Variants in EDARADD observed in about 807,000 individuals in gnomAD.
The protein encoded by EDARADD is EDAR associated via death domain, also known as ectodysplasin-A receptor-associated adapter protein.
Under a neutral mutation model 25.6 loss-of-function variants are expected in EDARADD, and 20 were observed. The observed-to-expected ratio is 0.78, with a 90% CI of 0.55 to 1.14. The LOEUF (loss-of-function observed/expected upper bound fraction) is 1.14. Among genes scored for constraint, EDARADD ranks in the 50% most tolerant of loss-of-function variants. EDARADD has a pLI of 0.00. For missense variants in EDARADD, 225 were observed against 270.1 expected, an observed-to-expected ratio of 0.83 and a Z score of 1.17; for synonymous variants, 86 against 94.4, an observed-to-expected ratio of 0.91 and a Z score of 0.52.
chr1:236,483,500 G>T lies in EDARADD; in HGVS notation c.*851G>T. ...CTAAATTTGGTGCAAATGCCATTCT[G>T]GGAGTGTCCCTCGCTGCCTGCAAAG... On this transcript the variant is annotated 3_prime_UTR_variant, in exon 6 of 6. Coordinates refer to ENST00000334232, the MANE Select transcript of EDARADD (RefSeq NM_145861.4). The T allele has an allele frequency of 9.9e-7, 1 of 1,008,340 alleles. No individual in the cohort carries two copies. The highest frequency in any genetic ancestry group is 1.6e-6 in the Non-Finnish European group (1 of 630,482). 62.5% of individuals were successfully genotyped at this position (1,008,340 alleles called of 1,614,324 possible).
chr1:236,405,967 G>A (rs965495874), intron 1 of EDARADD, among the ~76,000 whole-genome samples: 4 of 142,626 alleles, frequency 2.8e-5, no homozygotes, highest in Admixed American at 7.5e-5. Flanking sequence ...TTTCCTGTAG[G>A]AAGCAGGATT....
intron 3 of EDARADD, among the ~76,000 whole-genome samples, chr1:236,420,578 C>T (rs987574904): frequency 1.6e-4 from 25 of 152,200 alleles, no homozygotes; most frequent in Admixed American, 5.9e-4. Flanking sequence ...CTTTGCTTTT[C>T]ACTGGCAACC....
chr1:236,359,767 G>A (rs1368048624), intron 3 of EDARADD, among the ~76,000 whole-genome samples: 1 of 152,288 alleles, frequency 6.6e-6, no homozygotes, highest in East Asian at 1.9e-4. Flanking sequence ...AGAACAGCAT[G>A]GGAAAGACTT....
At chr1:236,468,193 G>A (rs150720000) in intron 4 of EDARADD, 38 bp from the exon 5 acceptor site, 23 of 1,592,510 alleles carry the variant, frequency 1.4e-5, no homozygotes, top group Non-Finnish European at 1.9e-5. Flanking sequence ...ATTCACATTT[G>A]GATATGATTT....
At chr1:236,359,424 G>A (rs1667021066) in intron 3 of EDARADD, among the ~76,000 whole-genome samples, 1 of 152,178 alleles carries the variant, frequency 6.6e-6, no homozygotes, top group East Asian at 1.9e-4. Flanking sequence ...GCCATGTGAG[G>A]ACATAGTGTT....
intron 5 of EDARADD, among the ~76,000 whole-genome samples, chr1:236,477,407 C>T (rs539883350): frequency 5.3e-5 from 8 of 152,144 alleles, no homozygotes; most frequent in Admixed American, 2.6e-4. Flanking sequence ...CCCAGCTACT[C>T]GGGAGGCTCA....
In EDARADD at chr1:236,395,686, C is replaced by T. The variant is rs762554652; in HGVS notation, c.61+1181C>T. ...GTAAAGGGACACAGCGCCGCGCCCG[C>T]TCCTGGAGCGAGCACCGCGGGGCGG... On this transcript the variant is annotated intron_variant, in intron 1 of 5. Coordinates refer to ENST00000334232, the MANE Select transcript of EDARADD (RefSeq NM_145861.4). This position sits in a 1 kb window ranked among gnomAD's most constrained non-coding sequence, Gnocchi z 6.9. 1 of 1,553,886 alleles carries T rather than the reference C, an allele frequency of 6.4e-7. No homozygotes were observed. The highest frequency in any genetic ancestry group is 8.7e-7 in the Non-Finnish European group (1 of 1,154,132).
intron 4 of EDARADD, among the ~76,000 whole-genome samples, chr1:236,451,425 CT>C (rs541733824): frequency 6.8e-4 from 102 of 150,174 alleles, no homozygotes; most frequent in African/African-American, 1.9e-3. Flanking sequence ...TCCTTCCTTT[CT>C]TTTTTTTTTC....
chr1:236,409,545 T>C (rs979475961), intron 2 of EDARADD, among the ~76,000 whole-genome samples: 7 of 140,960 alleles, frequency 5.0e-5, no homozygotes, highest in Non-Finnish European at 8.8e-5. Context: ...CTTCCCTGGT[T>C]TTTTTTTATT....
At chr1:236,412,454 A>G (rs900675845) in intron 2 of EDARADD, among the ~76,000 whole-genome samples, 5 of 152,152 alleles carry the variant, frequency 3.3e-5, no homozygotes, top group African/African-American at 4.8e-5. Flanking sequence ...CCGAGAACCT[A>G]GAAGGGCATC....
At chr1:236,458,434 A>G (rs1193100805) in intron 4 of EDARADD, among the ~76,000 whole-genome samples, 2 of 152,154 alleles carry the variant, frequency 1.3e-5, no homozygotes, top group South Asian at 2.1e-4. Context: ...AAATATTTCT[A>G]TATAGGTGTG....
chr1:236,429,164 G>A (rs1263792670), intron 4 of EDARADD, among the ~76,000 whole-genome samples: 10 of 150,744 alleles, frequency 6.6e-5, no homozygotes, highest in South Asian at 2.1e-4. Flanking sequence ...GCCTCGGCTC[G>A]GCATCAGAGG....
At chr1:236,360,163 T>TA (rs950965976) in intron 3 of EDARADD, among the ~76,000 whole-genome samples, 8 of 150,842 alleles carry the variant, frequency 5.3e-5, no homozygotes, top group South Asian at 2.1e-4. Flanking sequence ...AAAGAAAAAT[T>TA]AAAAAAAAAT....
intron 4 of EDARADD, among the ~76,000 whole-genome samples, chr1:236,462,851 A>G (rs1659074593): frequency 1.3e-5 from 2 of 152,354 alleles, no homozygotes; most frequent in Non-Finnish European, 2.9e-5. Flanking sequence ...ACTTGAATAT[A>G]AAACATAGGT....
rs965595324 is a variant in EDARADD, at chr1:236,458,079, G to A, written c.220-10152G>A. On this transcript the variant is annotated intron_variant, in intron 4 of 5. Coordinates refer to ENST00000334232, the MANE Select transcript of EDARADD (RefSeq NM_145861.4). Reference sequence around the variant, plus strand: ...ATTCGGATGGTGTGGGTGTCAGGGTGCAGCTCTCACACATAGTTGAGAGTG... The same window carrying A: ...ATTCGGATGGTGTGGGTGTCAGGGTACAGCTCTCACACATAGTTGAGAGTG... Among the ~76,000 whole-genome samples, 239 of 152,326 alleles carry A rather than the reference G, an allele frequency of 1.6e-3. 1 individual carries two copies. The highest frequency in any genetic ancestry group is 5.4e-3 in the African/African-American group (226 of 41,578).
intron 3 of EDARADD, among the ~76,000 whole-genome samples, chr1:236,424,440 G>C (rs990775072): frequency 2.6e-5 from 4 of 152,052 alleles, no homozygotes; most frequent in Admixed American, 1.3e-4. Context: ...TGGGATTACA[G>C]GTGTGAGCCA....
chr1:236,427,585 C>G, intron 4 of EDARADD, 135 bp downstream of exon 4: 2 of 764,942 alleles, frequency 2.6e-6, no homozygotes, highest in East Asian at 2.7e-5. Context: ...TGCAAATGGT[C>G]TCTAAGCATC....
At position 236,484,520 on chromosome 1, in the gene EDARADD, C is replaced by T. The variant is rs886046197; in HGVS notation, c.*1871C>T. ...CACCTGGTGGCTAATTAGACCCCTC[C>T]CCTTGTGTCAACTCCGGCAGCTCAA... On this transcript the variant is annotated 3_prime_UTR_variant, in exon 6 of 6. Coordinates refer to ENST00000334232, the MANE Select transcript of EDARADD (RefSeq NM_145861.4). The surrounding 1 kb of genome is among the most constrained non-coding windows in gnomAD (Gnocchi z 4.1). The T allele has an allele frequency of 9.5e-6, 14 of 1,468,132 alleles. No individual in the cohort carries two copies. Among genetic ancestry groups the T allele is most frequent in the Non-Finnish European group, 1.3e-5 (14 of 1,057,192 alleles). 90.9% of individuals were successfully genotyped at this position (1,468,132 alleles called of 1,614,324 possible). A position where few individuals can be genotyped will look rare whatever the true frequency, so the allele number is the denominator to read the frequency against.
chr1:236,454,250 C>G (rs185538269), intron 4 of EDARADD, among the ~76,000 whole-genome samples: 226 of 152,146 alleles, frequency 1.5e-3, no homozygotes, highest in African/African-American at 2.8e-3. Context: ...GGGTTTCACC[C>G]TGTTAGCCAA....
Sources: allele counts gnomAD v4.1 joint callset (sites outside exome capture counted in the v4.1 genomes callset), GRCh38; gene constraint gnomAD v4.1.1; non-coding constraint Gnocchi (gnomAD v3.1); transcripts MANE v1.5; gene names NCBI Gene and HGNC (gene_info 2026-07-23, HGNC 2026-07-21).